Variants in OR5K2 observed in about 807,000 individuals in gnomAD.
OR5K2 encodes the protein olfactory receptor family 5 subfamily K member 2.
For missense variants in OR5K2, 402 were observed against 369.8 expected, an observed-to-expected ratio of 1.09 and a Z score of -0.71; for synonymous variants, 124 against 133.2, an observed-to-expected ratio of 0.93 and a Z score of 0.48.
Position 98,497,994 on chromosome 3 carries a change from G to A in OR5K2, c.314G>A (p.Cys105Tyr). The A allele has an allele frequency of 6.2e-7, 1 of 1,614,016 alleles. No individual in the cohort carries two copies. Among genetic ancestry groups the A allele is most frequent in the South Asian group, 1.1e-5 (1 of 91,072 alleles). Residue 105 changes from cysteine (C) to tyrosine (Y), a missense_variant, in exon 1 of 1, where the codon TGC (cysteine) becomes TAC (tyrosine). Coordinates refer to ENST00000427338, the MANE Select transcript of OR5K2 (RefSeq NM_001004737.1). ...YECAVQFYFL[C>Y]TVETADCFLL... ...TGTGCAGTACAGTTTTATTTTCTTT[G>A]CACTGTGGAAACTGCAGACTGCTTT...
At position 98,498,572 on chromosome 3, in the gene OR5K2, A is replaced by T; in HGVS notation, c.892A>T (p.Ile298Leu). The T allele has an allele frequency of 1.3e-6, 2 of 1,599,284 alleles. No homozygotes were observed. The highest frequency in any genetic ancestry group is 1.7e-6 in the Non-Finnish European group (2 of 1,172,226). ...FIYSLRNKEV[I>L]SVLRKILLKI... ...TTATAGTCTGAGAAACAAGGAAGTA[A>T]TAAGTGTCTTAAGAAAAATTCTGCT... Residue 298 changes from isoleucine (I) to leucine (L), a missense_variant, in exon 1 of 1, where the codon ATA (isoleucine) becomes TTA (leucine). Transcript: ENST00000427338.
In OR5K2 at chr3:98,498,186, G is replaced by A; in HGVS notation, c.506G>A (p.Cys169Tyr). 1 of 1,614,066 alleles carries A rather than the reference G, an allele frequency of 6.2e-7. No individual in the cohort carries two copies. The highest frequency in any genetic ancestry group is 8.5e-7 in the Non-Finnish European group (1 of 1,179,956). ...HVGLVFRLVF[C>Y]GLNHINHFYC... Reference sequence around the variant, plus strand: ...GGGCTTGTATTTAGGTTAGTTTTCTGTGGATTGAATCACATCAACCACTTT... The same window carrying A: ...GGGCTTGTATTTAGGTTAGTTTTCTATGGATTGAATCACATCAACCACTTT... The change falls in exon 1 of 1, where the codon TGT becomes TAT. Residue 169 changes from cysteine (C) to tyrosine (Y), a missense_variant. Physicochemically the swap from Cys to Tyr is radical, Grantham distance 194. Transcript: ENST00000427338.
In OR5K2 at chr3:98,498,256, T is replaced by G. The variant is rs1705726774; in HGVS notation, c.576T>G (p.Pro192=). The G allele has an allele frequency of 6.2e-7, 1 of 1,613,998 alleles. No individual in the cohort carries two copies. Among genetic ancestry groups the G allele is most frequent in the African/African-American group, 1.3e-5 (1 of 74,926 alleles). Reference sequence around the variant, plus strand: ...TGTATAGACTCTCCTGTGTTGACCCTTTCATCAATGAACTGGTTCTATTCA... The same window carrying G: ...TGTATAGACTCTCCTGTGTTGACCCGTTCATCAATGAACTGGTTCTATTCA... The part of the protein sequence containing the change: ...LPLYRLSCVD[P]FINELVLFIF... The change falls in exon 1 of 1, where the codon CCT becomes CCG. Residue 192 remains proline, a synonymous_variant. Coordinates refer to ENST00000427338, the MANE Select transcript of OR5K2 (RefSeq NM_001004737.1).
Position 98,498,472 on chromosome 3 carries a change from G to C in OR5K2, c.792G>C (p.Leu264Phe), listed in dbSNP as rs539101213. Residue 264 changes from leucine to phenylalanine, a missense_variant, in exon 1 of 1, where the codon TTG becomes TTC. Coordinates refer to ENST00000427338, the MANE Select transcript of OR5K2 (RefSeq NM_001004737.1). ...TTTTCCTATACATTAGACCAAATTT[G>C]CTTGAAGAAGGAGGTAATGATATAC... ...SIFFLYIRPN[L>F]LEEGGNDIPA... 6.2e-7 allele frequency: 1 copy of C among 1,612,804 alleles called. No homozygotes were observed. The highest frequency in any genetic ancestry group is 2.2e-5 in the East Asian group (1 of 44,832).
In OR5K2 at chr3:98,498,408, C is replaced by A. The variant is rs954327234; in HGVS notation, c.728C>A (p.Ser243Tyr). Residue 243 changes from serine (S) to tyrosine (Y), a missense_variant, in exon 1 of 1, where the codon TCC (serine) becomes TAC (tyrosine). Ser to Tyr is a moderately radical substitution (Grantham distance 144). Transcript: ENST00000427338. The stretch of plus-strand genomic sequence containing the variant: ...GCCAAAGCCTTTTCTACTTGTGCAT[C>A]CCACTTTTCATCAGTTTCATTATTC... ...GRAKAFSTCA[S>Y]HFSSVSLFYG... 6.2e-7 allele frequency: 1 copy of A among 1,613,366 alleles called. No homozygotes were observed. Among genetic ancestry groups the A allele is most frequent in the African/African-American group, 1.3e-5 (1 of 74,884 alleles).
In OR5K2 at chr3:98,498,227, C is replaced by T. The variant is rs773566112; in HGVS notation, c.547C>T (p.Pro183Ser). Reference sequence around the variant, plus strand: ...CAACCACTTTTACTGTGATACTCTTCCCTTGTATAGACTCTCCTGTGTTGA... The same window carrying T: ...CAACCACTTTTACTGTGATACTCTTTCCTTGTATAGACTCTCCTGTGTTGA... ...HINHFYCDTL[P>S]LYRLSCVDPF... is the part of the protein sequence containing the mutation. Residue 183 changes from proline (P) to serine (S), a missense_variant, in exon 1 of 1, where the codon CCC becomes TCC. Physicochemically the swap from Pro to Ser is moderately conservative, Grantham distance 74. Coordinates refer to ENST00000427338, the MANE Select transcript of OR5K2 (RefSeq NM_001004737.1). 16 of 1,614,102 alleles carry T rather than the reference C, an allele frequency of 9.9e-6. 1 individual carries two copies. In the Admixed American group the frequency reaches 2.5e-4, roughly 25 times the overall value.
Position 98,498,379 on chromosome 3 carries a change from A to T in OR5K2, c.699A>T (p.Gly233=), listed in dbSNP as rs368090714. 86 of 1,613,666 alleles carry T rather than the reference A, an allele frequency of 5.3e-5. 1 individual carries two copies. The Middle Eastern group carries it at 8.3e-4, about 15-fold the overall frequency. Reference sequence around the variant, plus strand: ...TTTTCAGAATGAAATCCAAGGAGGGAAGGGCCAAAGCCTTTTCTACTTGTG... The same window carrying T: ...TTTTCAGAATGAAATCCAAGGAGGGTAGGGCCAAAGCCTTTTCTACTTGTG... ...LTIFRMKSKE[G]RAKAFSTCAS... Residue 233 remains glycine (G), a synonymous_variant, in exon 1 of 1, where the codon GGA becomes GGT. Coordinates refer to ENST00000427338, the MANE Select transcript of OR5K2 (RefSeq NM_001004737.1).
chr3:98,498,114 C>A lies in OR5K2; in HGVS notation c.434C>A (p.Thr145Asn), dbSNP rs777900999. 4.3e-6 allele frequency: 7 copies of A among 1,614,042 alleles called. No individual in the cohort carries two copies. In the South Asian group the frequency reaches 7.7e-5, roughly 18 times the overall value. Residue 145 changes from threonine to asparagine, a missense_variant, in exon 1 of 1, where the codon ACC becomes AAC. Thr to Asn is a moderately conservative substitution (Grantham distance 65). Transcript: ENST00000427338. ...TCCAAGAAACTCTGCATTCAGATGACCACAGGCGCCTTCATAGCTGGAAAT... is the reference window on the plus strand; with the variant it reads ...TCCAAGAAACTCTGCATTCAGATGAACACAGGCGCCTTCATAGCTGGAAAT... ...MMSKKLCIQM[T>N]TGAFIAGNLH...
chr3:98,498,496 A>T lies in OR5K2; in HGVS notation c.816A>T (p.Ile272=). The change falls in exon 1 of 1, where the codon ATA becomes ATT. Residue 272 remains isoleucine, a synonymous_variant. Coordinates refer to ENST00000427338, the MANE Select transcript of OR5K2 (RefSeq NM_001004737.1). ...PNLLEEGGND[I]PAAILFTIVV... ...TGCTTGAAGAAGGAGGTAATGATAT[A>T]CCAGCTGCTATTTTATTTACAATAG... 1 of 1,610,172 alleles carries T rather than the reference A, an allele frequency of 6.2e-7. No individual in the cohort carries two copies. The highest frequency in any genetic ancestry group is 8.5e-7 in the Non-Finnish European group (1 of 1,176,676).
chr3:98,497,875 T>A lies in OR5K2; in HGVS notation c.195T>A (p.Asn65Lys), dbSNP rs773019532. Residue 65 changes from asparagine to lysine, a missense_variant, in exon 1 of 1, where the codon AAT (asparagine) becomes AAA (lysine). By Grantham distance (94) the Asn-to-Lys change is moderately conservative. Transcript: ENST00000427338. ...CACCAATGTACATCTTTCTGGGAAA[T>A]CTGGCTCTTGTGGATTCTTGCTGTG... Reference protein sequence around the residue: ...LHTPMYIFLGNLALVDSCCAC... With the variant: ...LHTPMYIFLGKLALVDSCCAC... 1 of 1,613,990 alleles carries A rather than the reference T, an allele frequency of 6.2e-7. No individual in the cohort carries two copies. The highest frequency in any genetic ancestry group is 1.7e-5 in the Admixed American group (1 of 59,990).
Position 98,497,979 on chromosome 3 carries a change from A to G in OR5K2, c.299A>G (p.Gln100Arg). 6.2e-7 allele frequency: 1 copy of G among 1,614,040 alleles called. No homozygotes were observed. Among genetic ancestry groups the G allele is most frequent in the Non-Finnish European group, 8.5e-7 (1 of 1,179,970 alleles). ...KRISLYECAV[Q>R]FYFLCTVETA... ...ATTTCCCTCTATGAATGTGCAGTACAGTTTTATTTTCTTTGCACTGTGGAA... is the reference window on the plus strand; with the variant it reads ...ATTTCCCTCTATGAATGTGCAGTACGGTTTTATTTTCTTTGCACTGTGGAA... The change falls in exon 1 of 1, where the codon CAG (glutamine) becomes CGG (arginine). Residue 100 changes from glutamine to arginine, a missense_variant. Transcript: ENST00000427338.
Position 98,497,840 on chromosome 3 carries a change from C to T in OR5K2, c.160C>T (p.Arg54Trp), listed in dbSNP as rs771022097. The T allele has an allele frequency of 1.9e-5, 30 of 1,613,998 alleles. No homozygotes were observed. The highest frequency in any genetic ancestry group is 4.4e-5 in the South Asian group (4 of 91,080). ...SLVALIFTHC[R>W]LHTPMYIFLG... ...GGTGGCACTGATATTTACACACTGT[C>T]GGCTTCACACACCAATGTACATCTT... The change falls in exon 1 of 1, where the codon CGG becomes TGG. Residue 54 changes from arginine to tryptophan, a missense_variant. Physicochemically the swap from Arg to Trp is moderately radical, Grantham distance 101 (BLOSUM62 -3). Transcript: ENST00000427338.
In OR5K2 at chr3:98,498,058, C is replaced by A. The variant is rs369834296; in HGVS notation, c.378C>A (p.Ile126=). ...TGGCCTATGACCGCTATGTGGCCAT[C>A]TGCAACCCACTGCAGTACCACATCA... ...AAVAYDRYVA[I]CNPLQYHIMM... Residue 126 remains isoleucine (I), a synonymous_variant, in exon 1 of 1, where the codon ATC becomes ATA. Coordinates refer to ENST00000427338, the MANE Select transcript of OR5K2 (RefSeq NM_001004737.1). The A allele has an allele frequency of 5.9e-5, 96 of 1,613,830 alleles. No homozygotes were observed. The highest frequency in any genetic ancestry group is 4.3e-4 in the African/African-American group (32 of 74,824).
Position 98,497,996 on chromosome 3 carries a change from A to G in OR5K2, c.316A>G (p.Thr106Ala), listed in dbSNP as rs763461419. 2 of 1,613,998 alleles carry G rather than the reference A, an allele frequency of 1.2e-6. No homozygotes were observed. The highest frequency in any genetic ancestry group is 2.2e-5 in the South Asian group (2 of 91,072). Reference sequence around the variant, plus strand: ...TGCAGTACAGTTTTATTTTCTTTGCACTGTGGAAACTGCAGACTGCTTTCT... The same window carrying G: ...TGCAGTACAGTTTTATTTTCTTTGCGCTGTGGAAACTGCAGACTGCTTTCT... ...ECAVQFYFLC[T>A]VETADCFLLA... The change falls in exon 1 of 1, where the codon ACT becomes GCT. Residue 106 changes from threonine (T) to alanine (A), a missense_variant. Coordinates refer to ENST00000427338, the MANE Select transcript of OR5K2 (RefSeq NM_001004737.1).
Position 98,498,472 on chromosome 3 carries a change from G to A in OR5K2, c.792G>A (p.Leu264=). ...SIFFLYIRPN[L]LEEGGNDIPA... ...TTTTCCTATACATTAGACCAAATTT[G>A]CTTGAAGAAGGAGGTAATGATATAC... The change falls in exon 1 of 1, where the codon TTG becomes TTA. Residue 264 remains leucine, a synonymous_variant. Coordinates refer to ENST00000427338, the MANE Select transcript of OR5K2 (RefSeq NM_001004737.1). 2 of 1,612,806 alleles carry A rather than the reference G, an allele frequency of 1.2e-6. No homozygotes were observed. Among genetic ancestry groups the A allele is most frequent in the Non-Finnish European group, 8.5e-7 (1 of 1,179,152 alleles).
rs891142080 is a variant in OR5K2 at position 98,498,518 on chromosome 3, A to G, written c.838A>G (p.Ile280Val). Residue 280 changes from isoleucine to valine, a missense_variant, in exon 1 of 1, where the codon ATA becomes GTA. Physicochemically the swap from Ile to Val is conservative, Grantham distance 29. Transcript: ENST00000427338. The stretch of plus-strand genomic sequence containing the variant: ...TATACCAGCTGCTATTTTATTTACA[A>G]TAGTAGTTCCCTTACTAAATCCTTT... Reference protein sequence around the residue: ...NDIPAAILFTIVVPLLNPFIY... With the variant: ...NDIPAAILFTVVVPLLNPFIY... 4 of 1,609,116 alleles carry G rather than the reference A, an allele frequency of 2.5e-6. No homozygotes were observed. Among genetic ancestry groups the G allele is most frequent in the East Asian group, 2.2e-5 (1 of 44,804 alleles).
chr3:98,498,593 C>T lies in OR5K2; in HGVS notation c.913C>T (p.Leu305=). 6.3e-7 allele frequency: 1 copy of T among 1,589,678 alleles called. No individual in the cohort carries two copies. Among genetic ancestry groups the T allele is most frequent in the Non-Finnish European group, 8.6e-7 (1 of 1,166,758 alleles). The change falls in exon 1 of 1, where the codon CTG becomes TTG. Residue 305 remains leucine (L), a synonymous_variant. Coordinates refer to ENST00000427338, the MANE Select transcript of OR5K2 (RefSeq NM_001004737.1). ...KEVISVLRKI[L]LKIKSQGSVN... The stretch of plus-strand genomic sequence containing the variant: ...AGTAATAAGTGTCTTAAGAAAAATT[C>T]TGCTGAAAATAAAATCTCAAGGAAG...
rs1379100850 is a variant in OR5K2 at position 98,498,266 on chromosome 3, G to C, written c.586G>C (p.Glu196Gln). 4 of 1,613,894 alleles carry C rather than the reference G, an allele frequency of 2.5e-6. No individual in the cohort carries two copies. The highest frequency in any genetic ancestry group is 3.4e-6 in the Non-Finnish European group (4 of 1,179,956). ...RLSCVDPFIN[E>Q]LVLFIFSGSV... ...CTCCTGTGTTGACCCTTTCATCAAT[G>C]AACTGGTTCTATTCATCTTCTCAGG... The change falls in exon 1 of 1, where the codon GAA (glutamate) becomes CAA (glutamine). Residue 196 changes from glutamate (E) to glutamine (Q), a missense_variant. Coordinates refer to ENST00000427338, the MANE Select transcript of OR5K2 (RefSeq NM_001004737.1).
Position 98,498,244 on chromosome 3 carries a change from C to T in OR5K2, c.564C>T (p.Ser188=), listed in dbSNP as rs771163454. 29 of 1,613,960 alleles carry T rather than the reference C, an allele frequency of 1.8e-5. No homozygotes were observed. Among genetic ancestry groups the T allele is most frequent in the Non-Finnish European group, 2.3e-5 (27 of 1,179,964 alleles). The change falls in exon 1 of 1, where the codon TCC becomes TCT. Residue 188 remains serine, a synonymous_variant. Coordinates refer to ENST00000427338, the MANE Select transcript of OR5K2 (RefSeq NM_001004737.1). ...ATACTCTTCCCTTGTATAGACTCTC[C>T]TGTGTTGACCCTTTCATCAATGAAC... ...YCDTLPLYRL[S]CVDPFINELV... is the part of the protein sequence containing the mutation.
Sources: gnomAD v4.1 joint callset for allele counts on GRCh38, gnomAD v4.1.1 for gene constraint, MANE v1.5 for transcripts, NCBI Gene and HGNC (gene_info 2026-07-23, HGNC 2026-07-21) for gene names.